Variants in SOCS2 observed in about 807,000 individuals in gnomAD.
The protein encoded by SOCS2 is suppressor of cytokine signaling 2.
In SOCS2, 10 loss-of-function variants were observed where a neutral mutation model predicts 18.6. The observed-to-expected ratio is 0.54, with a 90% CI of 0.33 to 0.91. SOCS2 has a LOEUF of 0.91. SOCS2 is among the 40% of genes least tolerant of loss of function. The pLI is 0.02. For synonymous variants in SOCS2, 104 were observed against 104.0 expected (o/e 1.00, Z 0.00); for missense variants, 231 against 247.2 (o/e 0.93, Z 0.44).
chr12:93,578,952 C>T (rs1363710947), downstream of SOCS2, among the ~76,000 whole-genome samples: 3 of 152,142 alleles, frequency 2.0e-5, no homozygotes, highest in Admixed American at 6.5e-5. Context: ...CTCCTCTACC[C>T]GATTCTGAAA....
the SOCS2 span, among the ~76,000 whole-genome samples, chr12:93,600,825 G>A: frequency 0.014 from 1,959 of 145,100 alleles, 41 homozygotes; most frequent in African/African-American, 0.044. Flanking sequence ...GTCTTGATCT[G>A]TCACCCGGGC....
chr12:93,591,596 C>G, the SOCS2 span, among the ~76,000 whole-genome samples: 1 of 152,220 alleles, frequency 6.6e-6, no homozygotes, highest in Non-Finnish European at 1.5e-5. Flanking sequence ...GGTGATGCAG[C>G]AGAAGTTCTT....
the SOCS2 span, among the ~76,000 whole-genome samples, chr12:93,618,752 C>T: frequency 6.6e-6 from 1 of 152,166 alleles, no homozygotes; most frequent in African/African-American, 2.4e-5. Context: ...ACTTTATTTT[C>T]TTCACTGTAT....
the SOCS2 span, among the ~76,000 whole-genome samples, chr12:93,597,112 A>G: frequency 6.6e-6 from 1 of 152,188 alleles, no homozygotes; most frequent in South Asian, 2.1e-4. Context: ...TTTTGTAACT[A>G]TAGCACAAGT....
At chr12:93,617,360 G>A in the SOCS2 span, among the ~76,000 whole-genome samples, 2 of 152,180 alleles carry the variant, frequency 1.3e-5, no homozygotes, top group Non-Finnish European at 2.9e-5. Flanking sequence ...ACTTGGAGAG[G>A]ACAGGAGAGG....
chr12:93,593,771 T>C, the SOCS2 span, among the ~76,000 whole-genome samples: 1 of 152,148 alleles, frequency 6.6e-6, no homozygotes, highest in Admixed American at 6.6e-5. Flanking sequence ...GAATAAGATC[T>C]GGGTGTCAGC....
At chr12:93,606,109 G>A in the SOCS2 span, among the ~76,000 whole-genome samples, 1 of 151,998 alleles carries the variant, frequency 6.6e-6, no homozygotes. Flanking sequence ...TTTTACTCAT[G>A]ACCCAAAATG....
the SOCS2 span, among the ~76,000 whole-genome samples, chr12:93,615,512 T>C: frequency 6.6e-6 from 1 of 152,208 alleles, no homozygotes; most frequent in Non-Finnish European, 1.5e-5. Flanking sequence ...CTCATTTTAA[T>C]TGGATTAAGG....
the SOCS2 span, among the ~76,000 whole-genome samples, chr12:93,594,963 A>G: frequency 6.6e-6 from 1 of 152,176 alleles, no homozygotes; most frequent in South Asian, 2.1e-4. Flanking sequence ...AATACTTTGA[A>G]AGTAGGGATT....
the SOCS2 span, among the ~76,000 whole-genome samples, chr12:93,618,253 G>T: frequency 1.3e-5 from 2 of 152,130 alleles, no homozygotes; most frequent in East Asian, 3.8e-4. Context: ...GTGAGCCAAT[G>T]AAACCTCTTT....
chr12:93,570,412 G>C (rs886397407), upstream of SOCS2: 23 of 152,422 alleles, frequency 1.5e-4, no homozygotes, highest in African/African-American at 5.3e-4. Context: ...TGATCAAGGG[G>C]ACCGCCTCCG....
chr12:93,616,716 G>C, the SOCS2 span, among the ~76,000 whole-genome samples: 1 of 152,162 alleles, frequency 6.6e-6, no homozygotes, highest in South Asian at 2.1e-4. Flanking sequence ...GTGCTCCGGG[G>C]ACAAGTGGGA....
the SOCS2 span, among the ~76,000 whole-genome samples, chr12:93,625,967 T>C: frequency 6.6e-6 from 1 of 151,968 alleles, no homozygotes; most frequent in Non-Finnish European, 1.5e-5. Flanking sequence ...CTGCAAATAC[T>C]GGGTGCTCAG....
chr12:93,620,141 C>T, the SOCS2 span, among the ~76,000 whole-genome samples: 9 of 150,762 alleles, frequency 6.0e-5, no homozygotes, highest in Non-Finnish European at 1.2e-4. Flanking sequence ...TTTTCAATGT[C>T]TTTTTTTGTT....
the SOCS2 span, among the ~76,000 whole-genome samples, chr12:93,591,272 A>T: frequency 6.6e-6 from 1 of 151,996 alleles, no homozygotes; most frequent in African/African-American, 2.4e-5. Flanking sequence ...AACAAAAAAA[A>T]AAAAACAAGG....
At chr12:93,601,751 T>C in the SOCS2 span, among the ~76,000 whole-genome samples, 1 of 152,242 alleles carries the variant, frequency 6.6e-6, no homozygotes, top group Non-Finnish European at 1.5e-5. Flanking sequence ...CTTTTGTATC[T>C]ATATATGGGT....
At chr12:93,591,991 A>G in the SOCS2 span, among the ~76,000 whole-genome samples, 16 of 152,092 alleles carry the variant, frequency 1.1e-4, no homozygotes, top group Non-Finnish European at 2.2e-4. Flanking sequence ...TCTTCTTAGG[A>G]GCTAGTTTTT....
chr12:93,619,942 T>G, the SOCS2 span, among the ~76,000 whole-genome samples: 2 of 152,342 alleles, frequency 1.3e-5, no homozygotes, highest in African/African-American at 4.8e-5. Flanking sequence ...AACTGTTATA[T>G]ATCTTCACGT....
chr12:93,576,569 T>C lies in SOCS2; in HGVS notation c.*1390T>C, dbSNP rs1203734212. 1 of 152,262 alleles carries C rather than the reference T, an allele frequency of 6.6e-6. No homozygotes were observed. The highest frequency in any genetic ancestry group is 2.4e-5 in the African/African-American group (1 of 41,466). 9.4% of individuals were successfully genotyped at this position (152,262 alleles called of 1,614,324 possible). On this transcript the variant is annotated 3_prime_UTR_variant, in exon 2 of 2. Transcript: ENST00000551556. ...TTTTGTGGCCACTTATTTTTTGCTA[T>C]GTTAGTCTGCATAACTGTTATAAAT...
Sources: allele counts gnomAD v4.1 joint callset (sites outside exome capture counted in the v4.1 genomes callset), GRCh38; gene constraint gnomAD v4.1.1; transcripts MANE v1.5; gene names NCBI Gene and HGNC (gene_info 2026-07-23, HGNC 2026-07-21).